The following MAGI2 variants were observed in gnomAD, a reference collection of about 807,000 sequenced individuals.
The protein encoded by MAGI2 is membrane associated guanylate kinase, WW and PDZ domain containing 2.
In MAGI2, 35 loss-of-function variants were observed where a neutral mutation model predicts 133.3. The ratio of observed to expected loss-of-function variants is 0.26; its 90% CI spans 0.20 to 0.35. The LOEUF (loss-of-function observed/expected upper bound fraction) is 0.35. Ranked by LOEUF, MAGI2 falls within the 10% of genes least tolerant of loss-of-function variation. The pLI, the probability that MAGI2 is intolerant of heterozygous loss-of-function variation, is 1.00. For synonymous variants in MAGI2, 729 were observed against 710.6 expected (o/e 1.03, Z -0.41); for missense variants, 1,636 against 1,863.4 (o/e 0.88, Z 2.25).
chr7:79,025,217 G>A (rs796358971), intron 1 of MAGI2, among the ~76,000 whole-genome samples: 53 of 152,240 alleles, frequency 3.5e-4, no homozygotes, highest in African/African-American at 1.3e-3. Flanking sequence ...TGGATAGAGT[G>A]GGAGGCCATT....
At chr7:78,719,765 G>C (rs1820083844) in intron 2 of MAGI2, among the ~76,000 whole-genome samples, 1 of 152,054 alleles carries the variant, frequency 6.6e-6, no homozygotes, top group Non-Finnish European at 1.5e-5. Context: ...TCATTACAGG[G>C]GACTTACTCT....
chr7:78,234,890 G>C (rs1790365842), intron 10 of MAGI2, among the ~76,000 whole-genome samples: 1 of 152,030 alleles, frequency 6.6e-6, no homozygotes, highest in South Asian at 2.1e-4. Flanking sequence ...TCCAACAGCA[G>C]AGCACATTTT....
At chr7:78,249,218 G>A (rs536880706) in intron 10 of MAGI2, among the ~76,000 whole-genome samples, 2 of 152,200 alleles carry the variant, frequency 1.3e-5, no homozygotes, top group African/African-American at 4.8e-5. Context: ...GATAACAAGT[G>A]TCGGCGAGGA....
At chr7:78,827,000 G>A (rs993659436) in intron 2 of MAGI2, among the ~76,000 whole-genome samples, 3 of 152,130 alleles carry the variant, frequency 2.0e-5, no homozygotes, top group African/African-American at 7.2e-5. Flanking sequence ...TTGATGTGGT[G>A]ATAGGATTAG....
At chr7:79,110,270 C>T (rs1275697066) in intron 1 of MAGI2, among the ~76,000 whole-genome samples, 5 of 152,086 alleles carry the variant, frequency 3.3e-5, no homozygotes, top group African/African-American at 1.2e-4. Flanking sequence ...ACACAGAGTC[C>T]CCACTGGTGT....
At chr7:78,083,590 T>A (rs1422056220) in intron 20 of MAGI2, among the ~76,000 whole-genome samples, 1 of 152,220 alleles carries the variant, frequency 6.6e-6, no homozygotes, top group African/African-American at 2.4e-5. Flanking sequence ...GAAGAAATAC[T>A]TTTATCTGTG....
At chr7:78,681,670 G>A (rs367544203) in intron 2 of MAGI2, among the ~76,000 whole-genome samples, 1 of 151,986 alleles carries the variant, frequency 6.6e-6, no homozygotes, top group African/African-American at 2.4e-5. Flanking sequence ...ACAGGAAGGA[G>A]ACCTGGGGAG....
intron 2 of MAGI2, among the ~76,000 whole-genome samples, chr7:78,812,212 C>A (rs541922949): frequency 8.5e-5 from 13 of 152,106 alleles, no homozygotes; most frequent in African/African-American, 2.9e-4. Context: ...AAACTACAGA[C>A]CTGTAAGATA....
Position 79,110,403 on chromosome 7 carries a change from C to T in MAGI2, c.302-103197G>A, listed in dbSNP as rs559480371. Among the ~76,000 whole-genome samples the T allele has an allele frequency of 2.6e-5, 4 of 152,262 alleles. No homozygotes were observed. In the South Asian group the frequency reaches 8.3e-4, roughly 32 times the overall value. ...GTGCCCTAAATATGGGACATGGAGT[C>T]AAAGGAGATTATTTTGGAGCCTTAA... is the stretch of plus-strand genomic sequence containing the variant. On this transcript the variant is annotated intron_variant, in intron 1 of 21. Transcript: ENST00000354212.
intron 2 of MAGI2, among the ~76,000 whole-genome samples, chr7:78,702,792 T>C (rs1818211391): frequency 1.3e-5 from 2 of 151,972 alleles, no homozygotes; most frequent in Non-Finnish European, 2.9e-5. Flanking sequence ...AACAAAGAGC[T>C]GAAGAAATGA....
chr7:78,639,029 G>A (rs1018140922), intron 2 of MAGI2, among the ~76,000 whole-genome samples: 8 of 152,196 alleles, frequency 5.3e-5, no homozygotes, highest in African/African-American at 1.9e-4. Flanking sequence ...ACTAGACTGT[G>A]TGGATACCAC....
intron 20 of MAGI2, among the ~76,000 whole-genome samples, chr7:78,114,273 G>A (rs1341581813): frequency 1.3e-5 from 2 of 152,210 alleles, no homozygotes; most frequent in Non-Finnish European, 2.9e-5. Flanking sequence ...AGTATCTTAG[G>A]TGATTGAAAT....
At chr7:79,282,219 G>A (rs1160297388) in intron 1 of MAGI2, among the ~76,000 whole-genome samples, 1 of 152,122 alleles carries the variant, frequency 6.6e-6, no homozygotes, top group Non-Finnish European at 1.5e-5. Context: ...GTGAGGCATT[G>A]TAAAATCTTA....
chr7:79,041,248 T>A (rs1811639560), intron 1 of MAGI2, among the ~76,000 whole-genome samples: 1 of 152,154 alleles, frequency 6.6e-6, no homozygotes. Context: ...TTTCTAACAT[T>A]TATATATTCA....
intron 10 of MAGI2, chr7:78,253,560 A>G (rs1792651390): frequency 6.6e-6 from 1 of 152,070 alleles, no homozygotes. Flanking sequence ...AAAGTAGCAC[A>G]CACTTATCCC....
intron 3 of MAGI2, chr7:78,568,511 G>A (rs1160244196): frequency 6.6e-6 from 1 of 152,166 alleles, no homozygotes; most frequent in African/African-American, 2.4e-5. Context: ...AAATCTTGGA[G>A]TCATCTTTCA....
At chr7:79,152,172 G>A (rs1823320237) in intron 1 of MAGI2, among the ~76,000 whole-genome samples, 1 of 152,158 alleles carries the variant, frequency 6.6e-6, no homozygotes, top group African/African-American at 2.4e-5. Flanking sequence ...GAGTATCTAA[G>A]TGTAAGTAAA....
chr7:79,103,750 A>G (rs1012714343), intron 1 of MAGI2, among the ~76,000 whole-genome samples: 1 of 151,758 alleles, frequency 6.6e-6, no homozygotes, highest in Non-Finnish European at 1.5e-5. Flanking sequence ...CCCAGCCTGG[A>G]GTGCAGTGGC....
intron 1 of MAGI2, among the ~76,000 whole-genome samples, chr7:79,192,141 C>T (rs1194109421): frequency 4.0e-5 from 6 of 151,834 alleles, no homozygotes. Flanking sequence ...TCCAGTATTT[C>T]CTTTTGCCTT....
Sources: allele counts gnomAD v4.1 joint callset (sites outside exome capture counted in the v4.1 genomes callset), GRCh38; gene constraint gnomAD v4.1.1; transcripts MANE v1.5; gene names NCBI Gene and HGNC (gene_info 2026-07-23, HGNC 2026-07-21).